RAB4A: variants seen among roughly 807,000 people sequenced by gnomAD.
The protein encoded by RAB4A is ras-related protein Rab-4A.
RAB4A carries 20 observed loss-of-function variants against 34.5 expected under a neutral mutation model. The observed-to-expected ratio is 0.58, with a 90% confidence interval of 0.41 to 0.84. The LOEUF (loss-of-function observed/expected upper bound fraction) is 0.84, where lower values mean the gene tolerates loss of function less well. Ranked by LOEUF, RAB4A falls within the 40% of genes least tolerant of loss-of-function variation. The pLI is 0.00. For synonymous variants in RAB4A, 102 were observed against 100.0 expected, an observed-to-expected ratio of 1.02 and a Z score of -0.12; for missense variants, 228 against 274.5, an observed-to-expected ratio of 0.83 and a Z score of 1.20.
chr1:229,302,778 C>G, intron 6 of RAB4A, 84 bp from the exon 7 acceptor site: 1 of 945,938 alleles, frequency 1.1e-6, no homozygotes, highest in Non-Finnish European at 1.6e-6. Flanking sequence ...GTGTTCTGTA[C>G]TTTGCTTTTT....
intron 6 of RAB4A, among the ~76,000 whole-genome samples, 156 bp from the exon 7 acceptor site, chr1:229,302,706 C>T (rs895663790): frequency 2.8e-4 from 42 of 151,344 alleles, no homozygotes; most frequent in African/African-American, 8.3e-4. Flanking sequence ...TGTTTTGTGC[C>T]GGTGCAAGCA....
intron 4 of RAB4A, 109 bp from the exon 5 acceptor site, chr1:229,297,371 GGT>G: frequency 9.3e-7 from 1 of 1,071,448 alleles, no homozygotes; most frequent in Non-Finnish European, 1.3e-6. Context: ...TAAAGGTGTT[GGT>G]GCCATTACCC....
intron 1 of RAB4A, among the ~76,000 whole-genome samples, chr1:229,282,392 T>TA (rs1470619602): frequency 1.3e-5 from 2 of 152,212 alleles, no homozygotes; most frequent in Admixed American, 1.3e-4. Context: ...TTCAGAAGTT[T>TA]AATTATGATG....
Position 229,295,890 on chromosome 1 carries a change from C to T in RAB4A, c.270C>T (p.Leu90=), listed in dbSNP as rs1270955610. The change falls in exon 4 of 8, where the codon CTC becomes CTT. Residue 90 remains leucine (L), a synonymous_variant. Transcript: ENST00000366690. ...RSYYRGAAGA[L]LVYDITSRET... is the part of the protein sequence containing the mutation. Reference sequence around the variant, plus strand: ...ATTACCGAGGCGCGGCCGGGGCTCTCCTCGTCTATGATATCACCAGGTAAT... The same window carrying T: ...ATTACCGAGGCGCGGCCGGGGCTCTTCTCGTCTATGATATCACCAGGTAAT... 1.2e-6 allele frequency: 2 copies of T among 1,614,096 alleles called. No homozygotes were observed. Among genetic ancestry groups the T allele is most frequent in the Non-Finnish European group, 1.7e-6 (2 of 1,180,008 alleles).
intron 1 of RAB4A, among the ~76,000 whole-genome samples, chr1:229,272,241 C>G (rs989671678): frequency 2.6e-5 from 4 of 151,790 alleles, no homozygotes; most frequent in Admixed American, 2.6e-4. Context: ...TGTATGTATT[C>G]TCAGATTAAG....
intron 3 of RAB4A, among the ~76,000 whole-genome samples, chr1:229,292,330 G>C (rs1382400075): frequency 2.0e-5 from 3 of 152,106 alleles, no homozygotes; most frequent in Non-Finnish European, 4.4e-5. Flanking sequence ...TATTTGTCAA[G>C]ACAGTGTTGT....
Position 229,299,074 on chromosome 1 carries a change from TAA to T in RAB4A, c.541+5_541+6del. On this transcript the variant is annotated splice_donor_region_variant and intron_variant, in intron 6 of 7. Transcript: ENST00000366690. ...AAATACTTAACAAAATCGAATCAGG[TAA>T]AAGCCTTTCCATTAAGCAACTTTTC... 6.3e-7 allele frequency: 1 copy of T among 1,593,626 alleles called. No homozygotes were observed. Among genetic ancestry groups the T allele is most frequent in the Non-Finnish European group, 8.5e-7 (1 of 1,171,620 alleles).
At chr1:229,303,091 C>A in intron 7 of RAB4A, 102 bp downstream of exon 7, 2 of 818,846 alleles carry the variant, frequency 2.4e-6, no homozygotes, top group Non-Finnish European at 3.9e-6. Flanking sequence ...GGGATCCCAG[C>A]CGGGTGCAGT....
intron 5 of RAB4A, among the ~76,000 whole-genome samples, chr1:229,298,504 G>A (rs1657301553): frequency 6.6e-6 from 1 of 152,162 alleles, no homozygotes; most frequent in Non-Finnish European, 1.5e-5. Context: ...CACTCTGGTG[G>A]GTAGAAAGAG....
intron 2 of RAB4A, among the ~76,000 whole-genome samples, 185 bp downstream of exon 2, chr1:229,286,751 A>G (rs1656933576): frequency 6.6e-6 from 1 of 152,240 alleles, no homozygotes; most frequent in Admixed American, 6.5e-5. Context: ...TCTATTTAAC[A>G]ATGGTTCAGT....
intron 3 of RAB4A, among the ~76,000 whole-genome samples, chr1:229,295,509 C>T (rs1045717340): frequency 2.0e-5 from 3 of 151,948 alleles, no homozygotes; most frequent in South Asian, 2.1e-4. Context: ...ATGAGGAGCT[C>T]GCAGAGAAGT....
In RAB4A at chr1:229,299,013, A is replaced by T; in HGVS notation, c.482A>T (p.Glu161Val). 6.2e-7 allele frequency: 1 copy of T among 1,611,198 alleles called. No individual in the cohort carries two copies. The highest frequency in any genetic ancestry group is 8.5e-7 in the Non-Finnish European group (1 of 1,179,394). The change falls in exon 6 of 8, where the codon GAG (glutamate) becomes GTG (valine). Residue 161 changes from glutamate (E) to valine (V), a missense_variant. By Grantham distance (121) the Glu-to-Val change is moderately radical. Coordinates refer to ENST00000366690, the MANE Select transcript of RAB4A (RefSeq NM_004578.4). ...TTGGAAACAAGTGCGCTCACAGGGG[A>T]GAATGTAGAAGAGGCTTTTGTACAG... Reference protein sequence around the residue: ...MFLETSALTGENVEEAFVQCA... With the variant: ...MFLETSALTGVNVEEAFVQCA...
intron 6 of RAB4A, 71 bp downstream of exon 6, chr1:229,299,143 A>G: frequency 7.5e-6 from 8 of 1,067,538 alleles, no homozygotes; most frequent in Non-Finnish European, 9.6e-6. Flanking sequence ...TCACCTTTTA[A>G]TTAATAGTTT....
At chr1:229,276,216 C>T (rs1448048845) in intron 1 of RAB4A, among the ~76,000 whole-genome samples, 1 of 151,312 alleles carries the variant, frequency 6.6e-6, no homozygotes, top group Non-Finnish European at 1.5e-5. Context: ...AATGTGCACA[C>T]GAGTCCCCTG....
At chr1:229,299,114 T>G (rs1437374651) in intron 6 of RAB4A, 42 bp downstream of exon 6, 13 of 1,360,854 alleles carry the variant, frequency 9.6e-6, no homozygotes, top group Non-Finnish European at 1.2e-5. Context: ...CTGCATATTT[T>G]ACACTGTAGC....
chr1:229,295,971 C>T, intron 4 of RAB4A, 61 bp downstream of exon 4: 2 of 1,566,046 alleles, frequency 1.3e-6, no homozygotes, highest in Non-Finnish European at 1.8e-6. Context: ...AAAGGCTGGT[C>T]TTGGCGAGGT....
chr1:229,297,711 CAT>C (rs1657285322), intron 5 of RAB4A, 75 bp downstream of exon 5: 8 of 1,374,626 alleles, frequency 5.8e-6, no homozygotes, highest in Non-Finnish European at 7.8e-6. Flanking sequence ...GAATTTAAAA[CAT>C]ATATTGGAAT....
chr1:229,295,482 G>A (rs1435637909), intron 3 of RAB4A, among the ~76,000 whole-genome samples: 2 of 152,148 alleles, frequency 1.3e-5, no homozygotes, highest in Admixed American at 6.5e-5. Flanking sequence ...AGAAAATTGT[G>A]CCAGGGAGTG....
At chr1:229,283,515 C>A (rs1365107501) in intron 1 of RAB4A, among the ~76,000 whole-genome samples, 1 of 152,054 alleles carries the variant, frequency 6.6e-6, no homozygotes, top group Non-Finnish European at 1.5e-5. Context: ...CTTTTTTGGT[C>A]CCATGGCTAC....
Sources: allele counts gnomAD v4.1 joint callset (sites outside exome capture counted in the v4.1 genomes callset), GRCh38; gene constraint gnomAD v4.1.1; transcripts MANE v1.5; gene names NCBI Gene and HGNC (gene_info 2026-07-23, HGNC 2026-07-21).